The following RBFOX1 variants were observed in gnomAD, a reference collection of about 807,000 sequenced individuals.
RBFOX1 encodes the protein RNA binding protein fox-1 homolog 1.
RBFOX1 carries 8 observed loss-of-function variants against 57.7 expected under a neutral mutation model. The ratio of observed to expected loss-of-function variants is 0.14; its 90% CI spans 0.08 to 0.25. The LOEUF (loss-of-function observed/expected upper bound fraction) is 0.25, where lower values mean the gene tolerates loss of function less well. RBFOX1 is among the 10% of genes least tolerant of loss of function. The probability of loss-of-function intolerance (pLI) is 1.00; values close to 1 mark genes in which losing one functional copy is unlikely to be tolerated. For synonymous variants in RBFOX1, 326 were observed against 222.4 expected, an observed-to-expected ratio of 1.47 and a Z score of -4.15; for missense variants, 611 against 548.5, an observed-to-expected ratio of 1.11 and a Z score of -1.14.
chr16:6,628,364 T>C (rs2098337965), intron 2 of RBFOX1, among the ~76,000 whole-genome samples: 1 of 152,232 alleles, frequency 6.6e-6, no homozygotes, highest in African/African-American at 2.4e-5. Context: ...GATGTGATTT[T>C]ATGTTTTGTG....
At chr16:6,645,405 C>G (rs115356830) in intron 2 of RBFOX1, among the ~76,000 whole-genome samples, 1 of 152,098 alleles carries the variant, frequency 6.6e-6, no homozygotes, top group Non-Finnish European at 1.5e-5. Flanking sequence ...GTGTTTCTCT[C>G]CACATTTTCT....
intron 1 of RBFOX1, among the ~76,000 whole-genome samples, chr16:5,351,681 G>A (rs753371840): frequency 6.6e-6 from 1 of 152,166 alleles, no homozygotes; most frequent in African/African-American, 2.4e-5. Context: ...TTTAACTAGA[G>A]CGGTCAAGGG....
intron 2 of RBFOX1, among the ~76,000 whole-genome samples, chr16:6,606,050 A>T (rs1366537215): frequency 6.6e-6 from 1 of 152,086 alleles, no homozygotes; most frequent in East Asian, 1.9e-4. Flanking sequence ...TGGAGGTTGC[A>T]ATGAGCCGAG....
At chr16:5,539,560 C>T (rs2044847734) in intron 2 of RBFOX1, among the ~76,000 whole-genome samples, 1 of 151,912 alleles carries the variant, frequency 6.6e-6, no homozygotes, top group Non-Finnish European at 1.5e-5. Flanking sequence ...AAGATCGTAC[C>T]ACTGCACCCC....
intron 3 of RBFOX1, among the ~76,000 whole-genome samples, chr16:6,964,966 C>T (rs1292322540): frequency 3.3e-5 from 5 of 152,130 alleles, no homozygotes; most frequent in African/African-American, 9.7e-5. Flanking sequence ...CACTTAGCAG[C>T]GAGTGTGGCC....
chr16:6,166,215 C>T (rs1019859743), intron 1 of RBFOX1, among the ~76,000 whole-genome samples: 9 of 152,264 alleles, frequency 5.9e-5, no homozygotes, highest in Admixed American at 3.3e-4. Flanking sequence ...ATTGCTAAAA[C>T]GTCTTCCACC....
intron 4 of RBFOX1, among the ~76,000 whole-genome samples, chr16:7,404,777 C>G (rs778026555): frequency 6.6e-5 from 10 of 152,156 alleles, no homozygotes; most frequent in Non-Finnish European, 1.3e-4. Flanking sequence ...ACGTCTTTAT[C>G]AGGTAGAATG....
intron 1 of RBFOX1, among the ~76,000 whole-genome samples, chr16:5,306,577 GGATTACGGTGT>G (rs1222607591): frequency 6.6e-6 from 1 of 152,096 alleles, no homozygotes; most frequent in Non-Finnish European, 1.5e-5. Context: ...CAGATTGCTG[GGATTACGGTGT>G]GAGTCACCAT....
intron 3 of RBFOX1, among the ~76,000 whole-genome samples, chr16:6,785,958 G>T (rs114082562): frequency 2.2e-4 from 34 of 152,294 alleles, no homozygotes; most frequent in African/African-American, 8.2e-4. Flanking sequence ...CTTCCCAGGT[G>T]GCACTTACCA....
intron 11 of RBFOX1, among the ~76,000 whole-genome samples, chr16:7,641,429 A>G (rs1236541698): frequency 6.6e-6 from 1 of 152,222 alleles, no homozygotes; most frequent in Non-Finnish European, 1.5e-5. Flanking sequence ...TTTATCCCTA[A>G]TGGAGAACTT....
intron 4 of RBFOX1, among the ~76,000 whole-genome samples, chr16:7,215,798 C>T (rs917233300): frequency 1.3e-5 from 2 of 148,640 alleles, no homozygotes; most frequent in East Asian, 2.0e-4. Context: ...GATCTCGGCT[C>T]ACTGCAAGCT....
chr16:7,493,576 T>TAGAGTC (rs79039774), intron 4 of RBFOX1, among the ~76,000 whole-genome samples: 29,998 of 151,854 alleles, frequency 0.2, 3,121 homozygotes, highest in East Asian at 0.39. Flanking sequence ...CACAGAGGTG[T>TAGAGTC]AGAGTCAGAG....
At position 6,097,030 on chromosome 16, in the gene RBFOX1, G is replaced by A. The variant is rs190738684; in HGVS notation, c.-127+77038G>A. On this transcript the variant is annotated intron_variant, in intron 1 of 15. Coordinates refer to ENST00000550418, the MANE Select transcript of RBFOX1 (RefSeq NM_018723.4). This position sits in a 1 kb window ranked among gnomAD's most constrained non-coding sequence, Gnocchi z 5.0. ...TCCCATGTGTTGTGTGAGGGACTTC[G>A]TGGGAGATAACTGAATCATGGGGGT... Among the ~76,000 whole-genome samples the A allele has an allele frequency of 2.6e-5, 4 of 152,190 alleles. No individual in the cohort carries two copies. The highest frequency in any genetic ancestry group is 7.2e-5 in the African/African-American group (3 of 41,534).
chr16:6,946,883 A>G (rs2079638014), intron 3 of RBFOX1, among the ~76,000 whole-genome samples: 1 of 152,114 alleles, frequency 6.6e-6, no homozygotes, highest in Admixed American at 6.5e-5. Flanking sequence ...TGCTGGGATT[A>G]TAGGTATGAG....
intron 4 of RBFOX1, among the ~76,000 whole-genome samples, chr16:7,136,005 A>G (rs539569780): frequency 4.1e-4 from 62 of 152,262 alleles, no homozygotes; most frequent in Non-Finnish European, 8.7e-4. Context: ...CCTGTAAAGC[A>G]CAGTGCTGCT....
chr16:5,612,448 A>G (rs1455213589), intron 3 of RBFOX1, among the ~76,000 whole-genome samples: 1 of 149,230 alleles, frequency 6.7e-6, no homozygotes, highest in Non-Finnish European at 1.5e-5. Flanking sequence ...CTGTGGGTCT[A>G]CAGTTTAGTG....
intron 1 of RBFOX1, among the ~76,000 whole-genome samples, chr16:6,121,186 G>C (rs1439268229): frequency 2.0e-5 from 3 of 152,164 alleles, no homozygotes; most frequent in African/African-American, 7.2e-5. Flanking sequence ...ATGCACTGCA[G>C]GTTTATGGGA....
chr16:5,806,653 G>C (rs1051011911), intron 3 of RBFOX1, among the ~76,000 whole-genome samples: 6 of 152,212 alleles, frequency 3.9e-5, no homozygotes, highest in East Asian at 1.9e-4. Context: ...AGTGAAACCA[G>C]CTATTGGAAG....
At chr16:5,740,235 G>A (rs2052725833) in intron 3 of RBFOX1, among the ~76,000 whole-genome samples, 1 of 152,086 alleles carries the variant, frequency 6.6e-6, no homozygotes, top group African/African-American at 2.4e-5. Context: ...CATTCATCAG[G>A]TGCCCTGTTG....
Sources: gnomAD v4.1 joint callset for allele counts (sites outside exome capture counted in the v4.1 genomes callset) on GRCh38, gnomAD v4.1.1 for gene constraint, Gnocchi (gnomAD v3.1) non-coding constraint, MANE v1.5 for transcripts, NCBI Gene and HGNC (gene_info 2026-07-23, HGNC 2026-07-21) for gene names.